Variants in FUBP3 observed in about 807,000 individuals in gnomAD.
FUBP3 encodes far upstream element binding protein 3.
FUBP3 carries 28 observed loss-of-function variants against 85.6 expected under a neutral mutation model. That is an observed-to-expected ratio of 0.33 (90% CI 0.24 to 0.45). The LOEUF is 0.45. FUBP3 is among the 20% of genes least tolerant of loss of function. FUBP3 has a pLI of 1.00. For synonymous variants in FUBP3, 271 were observed against 271.4 expected (o/e 1.00, Z 0.01); for missense variants, 583 against 755.1 (o/e 0.77, Z 2.67).
At chr9:130,581,532 G>C (rs1474829399) in intron 1 of FUBP3, 1 of 152,134 alleles carries the variant, frequency 6.6e-6, no homozygotes, top group Non-Finnish European at 1.5e-5. Flanking sequence ...GTAATTTTAG[G>C]TTTATTGTAT....
chr9:130,617,096 AT>A (rs1832046064), intron 7 of FUBP3, among the ~76,000 whole-genome samples: 1 of 152,226 alleles, frequency 6.6e-6, no homozygotes, highest in Non-Finnish European at 1.5e-5. Flanking sequence ...GGGTTTCAGA[AT>A]TTAACACTCC....
chr9:130,607,777 G>C (rs1315483459), intron 2 of FUBP3, among the ~76,000 whole-genome samples: 1 of 152,212 alleles, frequency 6.6e-6, no homozygotes, highest in African/African-American at 2.4e-5. Context: ...GTGGACTCCA[G>C]CATTTGCATG....
chr9:130,594,097 A>G (rs1830746653), intron 1 of FUBP3, among the ~76,000 whole-genome samples: 1 of 152,112 alleles, frequency 6.6e-6, no homozygotes, highest in Non-Finnish European at 1.5e-5. Flanking sequence ...CAGTTTATAG[A>G]CATTAAAGTT....
At chr9:130,624,085 C>G (rs1829867905) in intron 11 of FUBP3, among the ~76,000 whole-genome samples, 1 of 152,216 alleles carries the variant, frequency 6.6e-6, no homozygotes, top group East Asian at 1.9e-4. Context: ...CTCCAAAGTC[C>G]TAAAGCTGCC....
At position 130,626,367 on chromosome 9, in the gene FUBP3, A is replaced by G. The variant is rs1347022288; in HGVS notation, c.979A>G (p.Arg327Gly). 1 of 1,612,328 alleles carries G rather than the reference A, an allele frequency of 6.2e-7. No homozygotes were observed. The highest frequency in any genetic ancestry group is 8.5e-7 in the Non-Finnish European group (1 of 1,179,244). The part of the protein sequence containing the change: ...ISELILTAQE[R>G]DGFGGLAAAR... ...TACAGCCCTGTGATCTTTCCAGGAA[A>G]GAGACGGCTTTGGAGGCCTGGCAGC... The change falls in exon 12 of 19, where the codon AGA becomes GGA. Residue 327 changes from arginine to glycine, a missense_variant. By Grantham distance (125) the Arg-to-Gly change is moderately radical. This residue lies in a region of FUBP3 where 404 missense variants were observed against 516.8 expected (regional missense o/e 0.78). Transcript: ENST00000319725.
At chr9:130,633,616 C>T (rs1830301202) in intron 16 of FUBP3, among the ~76,000 whole-genome samples, 1 of 152,130 alleles carries the variant, frequency 6.6e-6, no homozygotes, top group African/African-American at 2.4e-5. Flanking sequence ...TTTGTTTATT[C>T]AGGGGTTTTG....
intron 16 of FUBP3, among the ~76,000 whole-genome samples, chr9:130,634,003 G>A (rs943789348): frequency 2.0e-5 from 3 of 152,152 alleles, no homozygotes; most frequent in Non-Finnish European, 4.4e-5. Context: ...GTCCTGACCC[G>A]CCACTGTGGT....
chr9:130,629,503 A>C (rs548062925), intron 12 of FUBP3, among the ~76,000 whole-genome samples: 6 of 152,300 alleles, frequency 3.9e-5, no homozygotes, highest in African/African-American at 1.2e-4. Flanking sequence ...ACCTCTGTAG[A>C]GTCCTTGCAA....
intron 2 of FUBP3, among the ~76,000 whole-genome samples, chr9:130,599,574 C>G (rs966046659): frequency 2.0e-5 from 3 of 152,078 alleles, no homozygotes; most frequent in African/African-American, 7.2e-5. Context: ...AGTTTGAAAG[C>G]TTGCCTGAAT....
chr9:130,631,500 C>T, intron 13 of FUBP3, 57 bp from the exon 14 acceptor site: 1 of 1,508,602 alleles, frequency 6.6e-7, no homozygotes. Flanking sequence ...TGGGCCTGGG[C>T]AGAGGAAAGA....
chr9:130,587,229 T>A (rs1426406524), intron 1 of FUBP3, among the ~76,000 whole-genome samples: 1 of 151,858 alleles, frequency 6.6e-6, no homozygotes, highest in East Asian at 1.9e-4. Flanking sequence ...CACGCCTAGC[T>A]AATTTTTGTA....
At chr9:130,587,435 A>G (rs1588113455) in intron 1 of FUBP3, among the ~76,000 whole-genome samples, 2 of 152,082 alleles carry the variant, frequency 1.3e-5, no homozygotes, top group East Asian at 3.9e-4. Context: ...AGCCAATGGG[A>G]GTGTCACATT....
chr9:130,634,168 CA>C (rs946047534), intron 16 of FUBP3, among the ~76,000 whole-genome samples: 2 of 152,188 alleles, frequency 1.3e-5, no homozygotes, highest in African/African-American at 4.8e-5. Context: ...ACCACCCAAA[CA>C]CATGCACCCC....
At chr9:130,632,045 G>T (rs1181351675) in intron 15 of FUBP3, 23 bp downstream of exon 15, 4 of 1,569,992 alleles carry the variant, frequency 2.5e-6, no homozygotes, top group African/African-American at 2.7e-5. Context: ...CTGTGACTCA[G>T]TTGGGGACAG....
At position 130,618,032 on chromosome 9, in the gene FUBP3, T is replaced by G. The variant is rs553545292; in HGVS notation, c.666+137T>G. 1.2e-4 allele frequency: 66 copies of G among 547,300 alleles called. No individual in the cohort carries two copies. In the South Asian group the frequency reaches 1.8e-3, roughly 15 times the overall value. 33.9% of individuals were successfully genotyped at this position (547,300 alleles called of 1,614,324 possible). A position where few individuals can be genotyped will look rare whatever the true frequency, so the allele number is the denominator to read the frequency against. On this transcript the variant is annotated intron_variant, in intron 8 of 18. Transcript: ENST00000319725. ...GAAGGTAAACTGTTCTCAACAAAGT[T>G]TGGTGATGAAAAGAATCTAGGTTTG... is the stretch of plus-strand genomic sequence containing the variant.
chr9:130,621,309 C>T (rs902846336), intron 9 of FUBP3, among the ~76,000 whole-genome samples: 1 of 151,914 alleles, frequency 6.6e-6, no homozygotes, highest in African/African-American at 2.4e-5. Context: ...TATAGCCAGA[C>T]ACCACCTCTA....
intron 18 of FUBP3, among the ~76,000 whole-genome samples, chr9:130,636,695 A>T (rs1474817758): frequency 6.6e-6 from 1 of 152,252 alleles, no homozygotes; most frequent in Non-Finnish European, 1.5e-5. Context: ...ACCTGATGCC[A>T]GTCAGGTCCT....
intron 12 of FUBP3, among the ~76,000 whole-genome samples, chr9:130,629,438 G>A (rs1020194770): frequency 4.6e-5 from 7 of 152,324 alleles, no homozygotes; most frequent in African/African-American, 1.4e-4. Flanking sequence ...TTTCTCCCCC[G>A]TAAGGGCAGC....
chr9:130,589,820 C>T (rs1830538154), intron 1 of FUBP3, among the ~76,000 whole-genome samples: 1 of 147,990 alleles, frequency 6.8e-6, no homozygotes, highest in Non-Finnish European at 1.5e-5. Flanking sequence ...AAGGGATCCT[C>T]CTGCCTCAGC....
Sources: allele counts gnomAD v4.1 joint callset (sites outside exome capture counted in the v4.1 genomes callset), GRCh38; gene constraint gnomAD v4.1.1; regional missense constraint gnomAD v4.1.1; transcripts MANE v1.5; gene names NCBI Gene and HGNC (gene_info 2026-07-23, HGNC 2026-07-21).